The following PCDH15 variants were observed in gnomAD, a reference collection of about 807,000 sequenced individuals.
The protein encoded by PCDH15 is protocadherin-15.
Under a neutral mutation model 178.5 loss-of-function variants are expected in PCDH15, and 129 were observed. The ratio of observed to expected loss-of-function variants is 0.72; its 90% CI spans 0.63 to 0.84. The LOEUF is 0.84. PCDH15 is among the 40% of genes least tolerant of loss of function. The probability of loss-of-function intolerance (pLI) is 0.00; values close to 1 mark genes in which losing one functional copy is unlikely to be tolerated. For synonymous variants in PCDH15, 800 were observed against 732.0 expected, an observed-to-expected ratio of 1.09 and a Z score of -1.50; for missense variants, 2,230 against 2,099.9, an observed-to-expected ratio of 1.06 and a Z score of -1.21.
chr10:55,573,329 C>G (rs1241226096), intron 2 of PCDH15, among the ~76,000 whole-genome samples: 1 of 152,060 alleles, frequency 6.6e-6, no homozygotes, highest in Non-Finnish European at 1.5e-5. Context: ...CAGTTCTAGT[C>G]CCTTATATTC....
At position 53,940,975 on chromosome 10, in the gene PCDH15, T is replaced by A; in HGVS notation, c.3123A>T (p.Arg1041Ser). 1 of 1,592,814 alleles carries A rather than the reference T, an allele frequency of 6.3e-7. No homozygotes were observed. Among genetic ancestry groups the A allele is most frequent in the Non-Finnish European group, 8.6e-7 (1 of 1,160,848 alleles). Reference sequence around the variant, plus strand: ...TGGCAAGTTCACTTACTGGAGGAGGTCTGCAGGTTTAGAGAAGATGATGTA... The same window carrying A: ...TGGCAAGTTCACTTACTGGAGGAGGACTGCAGGTTTAGAGAAGATGATGTA... The part of the protein sequence containing the change: ...EIPRFTQEEY[R>S]PPPVSELATK... The change falls in exon 24 of 38, where the codon AGA becomes AGT. Residue 1041 changes from arginine (R) to serine (S), a missense_variant and splice_region_variant. Physicochemically the swap from Arg to Ser is moderately radical, Grantham distance 110 (BLOSUM62 -1). Transcript: ENST00000644397.
chr10:54,858,391 T>C (rs1953779482), intron 3 of PCDH15, among the ~76,000 whole-genome samples: 1 of 152,220 alleles, frequency 6.6e-6, no homozygotes, highest in South Asian at 2.1e-4. Context: ...TCCTTGTTTG[T>C]ATAGCTGTTA....
At chr10:54,435,466 C>G (rs915958668) in intron 3 of PCDH15, among the ~76,000 whole-genome samples, 12 of 152,134 alleles carry the variant, frequency 7.9e-5, no homozygotes, top group Non-Finnish European at 1.5e-5. Context: ...TTTGCCTGGA[C>G]TATATTGCAG....
intron 1 of PCDH15, among the ~76,000 whole-genome samples, chr10:54,727,446 G>A (rs1942731652): frequency 6.6e-6 from 1 of 151,532 alleles, no homozygotes; most frequent in African/African-American, 2.4e-5. Flanking sequence ...CACAGCTAAA[G>A]CAGTGTTAAG....
intron 21 of PCDH15, among the ~76,000 whole-genome samples, chr10:53,993,230 A>C (rs1187965198): frequency 1.3e-5 from 2 of 152,230 alleles, no homozygotes; most frequent in Non-Finnish European, 1.5e-5. Context: ...TTTTTTCTAC[A>C]GTAATACAAA....
intron 2 of PCDH15, among the ~76,000 whole-genome samples, chr10:55,617,181 G>A (rs1352398589): frequency 6.6e-6 from 1 of 151,982 alleles, no homozygotes; most frequent in Non-Finnish European, 1.5e-5. Context: ...TTTCCAAATA[G>A]GAGTGTTTAC....
intron 2 of PCDH15, among the ~76,000 whole-genome samples, chr10:55,122,854 C>G (rs1286790169): frequency 6.6e-6 from 1 of 152,042 alleles, no homozygotes; most frequent in Non-Finnish European, 1.5e-5. Context: ...CAGAGTAACT[C>G]AAATTCCAGA....
At chr10:54,154,187 G>A (rs2044848564) in intron 13 of PCDH15, among the ~76,000 whole-genome samples, 1 of 151,948 alleles carries the variant, frequency 6.6e-6, no homozygotes, top group African/African-American at 2.4e-5. Flanking sequence ...ATAAATTAAA[G>A]GGGAAAAAGA....
chr10:55,626,873 T>A (rs1837540275), intron 2 of PCDH15, among the ~76,000 whole-genome samples: 1 of 152,146 alleles, frequency 6.6e-6, no homozygotes, highest in Admixed American at 6.5e-5. Context: ...TCTTTTATCA[T>A]CCCTGTATAT....
At chr10:55,308,093 G>A (rs761886184) in intron 1 of PCDH15, among the ~76,000 whole-genome samples, 30 of 151,970 alleles carry the variant, frequency 2.0e-4, no homozygotes, top group Non-Finnish European at 3.8e-4. Context: ...AAATATTATA[G>A]AAAACATTTT....
intron 2 of PCDH15, among the ~76,000 whole-genome samples, chr10:55,528,408 G>C (rs935638311): frequency 6.6e-6 from 1 of 152,046 alleles, no homozygotes; most frequent in South Asian, 2.1e-4. Flanking sequence ...CCCAGTGTGT[G>C]ATGTTCCCCT....
chr10:54,545,023 C>T (rs2085687388), intron 2 of PCDH15, among the ~76,000 whole-genome samples: 1 of 152,096 alleles, frequency 6.6e-6, no homozygotes, highest in Admixed American at 6.6e-5. Flanking sequence ...TCACAAATGT[C>T]TGTACTCTAA....
At chr10:54,743,878 A>G (rs992361947) in intron 1 of PCDH15, among the ~76,000 whole-genome samples, 11 of 152,128 alleles carry the variant, frequency 7.2e-5, no homozygotes, top group Non-Finnish European at 1.3e-4. Context: ...TTCATAAAAC[A>G]TCCATATCCA....
intron 2 of PCDH15, among the ~76,000 whole-genome samples, chr10:55,165,887 C>A (rs1021036767): frequency 1.3e-5 from 2 of 151,918 alleles, no homozygotes. Context: ...TATTCTATTT[C>A]TGTACCTTTT....
intron 3 of PCDH15, among the ~76,000 whole-genome samples, chr10:54,510,115 T>C (rs2081517223): frequency 6.6e-6 from 1 of 152,220 alleles, no homozygotes; most frequent in Non-Finnish European, 1.5e-5. Flanking sequence ...GAATGTGGTT[T>C]TGTTCAGTTT....
At chr10:53,887,664 G>A (rs2081191910) in intron 26 of PCDH15, among the ~76,000 whole-genome samples, 1 of 152,110 alleles carries the variant, frequency 6.6e-6, no homozygotes, top group African/African-American at 2.4e-5. Flanking sequence ...CGAGGCGGGC[G>A]GATCACGAGG....
intron 2 of PCDH15, among the ~76,000 whole-genome samples, chr10:55,055,811 A>G (rs2131993008): frequency 6.6e-6 from 1 of 152,238 alleles, no homozygotes; most frequent in South Asian, 2.1e-4. Context: ...CCTGTCTCAA[A>G]AATCAATAAA....
At chr10:53,992,595 C>CA (rs1350877139) in intron 21 of PCDH15, among the ~76,000 whole-genome samples, 14 of 152,142 alleles carry the variant, frequency 9.2e-5, no homozygotes, top group Non-Finnish European at 1.8e-4. Context: ...CCCTGTTCCC[C>CA]AAAATCTCCT....
chr10:53,871,524 T>C (rs1313448838), intron 26 of PCDH15, among the ~76,000 whole-genome samples: 1 of 151,660 alleles, frequency 6.6e-6, no homozygotes, highest in Non-Finnish European at 1.5e-5. Flanking sequence ...AGTGTAACTA[T>C]TATAGTTACC....
Sources: gnomAD v4.1 joint callset for allele counts (sites outside exome capture counted in the v4.1 genomes callset) on GRCh38, gnomAD v4.1.1 for gene constraint, MANE v1.5 for transcripts, NCBI Gene and HGNC (gene_info 2026-07-23, HGNC 2026-07-21) for gene names.